Variants in NRG3 observed in about 807,000 individuals in gnomAD.
The protein encoded by NRG3 is pro-neuregulin-3, membrane-bound isoform.
Under a neutral mutation model 66.9 loss-of-function variants are expected in NRG3, and 31 were observed. The observed-to-expected ratio is 0.46, with a 90% CI of 0.35 to 0.63. The LOEUF (loss-of-function observed/expected upper bound fraction) is 0.63, where lower values mean the gene tolerates loss of function less well. NRG3 is among the 20% of genes least tolerant of loss of function. The probability of loss-of-function intolerance (pLI) is 0.00; values close to 1 mark genes in which losing one functional copy is unlikely to be tolerated. For missense variants in NRG3, 910 were observed against 878.9 expected (o/e 1.04, Z -0.45); for synonymous variants, 393 against 359.4 (o/e 1.09, Z -1.06).
At chr10:82,721,256 C>T (rs1326565648) in intron 2 of NRG3, among the ~76,000 whole-genome samples, 2 of 149,040 alleles carry the variant, frequency 1.3e-5, no homozygotes, top group Admixed American at 6.7e-5. Context: ...CTCAGCCTCC[C>T]GAGTAGCTGG....
At chr10:82,714,303 T>TA (rs200160918) in intron 2 of NRG3, among the ~76,000 whole-genome samples, 10 of 151,292 alleles carry the variant, frequency 6.6e-5, no homozygotes, top group Non-Finnish European at 1.5e-4. Context: ...CTCACCATGT[T>TA]AAAAAAAAAT....
At chr10:82,892,657 A>G (rs1843264245) in intron 4 of NRG3, among the ~76,000 whole-genome samples, 1 of 149,162 alleles carries the variant, frequency 6.7e-6, no homozygotes, top group South Asian at 2.1e-4. Context: ...TAGAGTGATA[A>G]CCTGTCTCAA....
chr10:82,614,983 A>G (rs1274599780), intron 2 of NRG3, among the ~76,000 whole-genome samples: 2 of 151,528 alleles, frequency 1.3e-5, no homozygotes, highest in East Asian at 3.9e-4. Flanking sequence ...CCTTATGTTT[A>G]TTGATAAAAC....
intron 1 of NRG3, among the ~76,000 whole-genome samples, chr10:82,147,671 G>T (rs1490143133): frequency 6.6e-6 from 1 of 152,156 alleles, no homozygotes; most frequent in Non-Finnish European, 1.5e-5. Context: ...AAGCGCCCCA[G>T]ACCTTTTGAG....
rs1845141639 is a variant in NRG3 at position 81,911,487 on chromosome 10, ACAGTGTCACTTGC to A, written c.823+35325_823+35337del. Among the ~76,000 whole-genome samples the A allele has an allele frequency of 3.9e-5, 6 of 152,012 alleles. No individual in the cohort carries two copies. The South Asian group carries it at 6.2e-4, about 16-fold the overall frequency. On this transcript the variant is annotated intron_variant, in intron 1 of 8. Transcript: ENST00000372141. ...CAGCTGCAATGGAAATGCCCTCTCGACAGTGTCACTTGCTTTTGGTTTAAGCCCGAAAAAGGTA... is the reference window on the plus strand; with the variant it reads ...CAGCTGCAATGGAAATGCCCTCTCGATTTTGGTTTAAGCCCGAAAAAGGTA...
At chr10:82,742,277 A>G (rs1327315789) in intron 3 of NRG3, among the ~76,000 whole-genome samples, 5 of 152,134 alleles carry the variant, frequency 3.3e-5, no homozygotes, top group African/African-American at 9.7e-5. Context: ...TAAATGACCT[A>G]TATTTAGGAA....
chr10:82,014,450 G>A (rs7081257), intron 1 of NRG3, among the ~76,000 whole-genome samples: 74,006 of 151,966 alleles, frequency 0.49, 18,940 homozygotes, highest in Admixed American at 0.62. Flanking sequence ...TAAGTGCCTC[G>A]GCAATAAAAT....
intron 1 of NRG3, among the ~76,000 whole-genome samples, chr10:82,242,614 GT>G (rs1461688592): frequency 2.0e-5 from 3 of 152,130 alleles, no homozygotes; most frequent in Admixed American, 2.0e-4. Context: ...ACCTGGAGAG[GT>G]TTGCATATTC....
intron 1 of NRG3, among the ~76,000 whole-genome samples, chr10:82,001,302 A>T (rs534982578): frequency 6.6e-6 from 1 of 152,094 alleles, no homozygotes; most frequent in African/African-American, 2.4e-5. Flanking sequence ...CAGGAGTTTG[A>T]GACCAGCCTG....
intron 2 of NRG3, among the ~76,000 whole-genome samples, chr10:82,359,519 G>C (rs762308139): frequency 6.6e-6 from 1 of 152,116 alleles, no homozygotes; most frequent in Admixed American, 6.5e-5. Flanking sequence ...GAGACATAAG[G>C]TTATGTAACT....
chr10:82,494,472 T>C (rs1199279166), intron 2 of NRG3, among the ~76,000 whole-genome samples: 1 of 152,076 alleles, frequency 6.6e-6, no homozygotes, highest in East Asian at 1.9e-4. Flanking sequence ...TGTGTATGTG[T>C]AAGTGCGAAT....
At chr10:82,195,221 CT>C (rs2074380727) in intron 1 of NRG3, among the ~76,000 whole-genome samples, 1 of 152,134 alleles carries the variant, frequency 6.6e-6, no homozygotes, top group South Asian at 2.1e-4. Context: ...AGATTGAAGG[CT>C]GCCAAAAGAG....
At chr10:82,653,892 G>T (rs2133910209) in intron 2 of NRG3, among the ~76,000 whole-genome samples, 1 of 152,310 alleles carries the variant, frequency 6.6e-6, no homozygotes, top group South Asian at 2.1e-4. Flanking sequence ...TCAGCTTTTA[G>T]AAATGCCACA....
intron 1 of NRG3, among the ~76,000 whole-genome samples, chr10:82,102,027 A>ATAT (rs2066757046): frequency 6.8e-6 from 1 of 146,046 alleles, no homozygotes; most frequent in Admixed American, 6.9e-5. Context: ...ATACGCACAC[A>ATAT]TATATATGCA....
chr10:82,455,587 A>G (rs1271148447), intron 2 of NRG3, among the ~76,000 whole-genome samples: 1 of 151,628 alleles, frequency 6.6e-6, no homozygotes, highest in Non-Finnish European at 1.5e-5. Context: ...GGACTTCATA[A>G]ACACTGGGCA....
intron 6 of NRG3, among the ~76,000 whole-genome samples, chr10:82,964,450 T>C (rs1851005495): frequency 6.6e-6 from 1 of 152,220 alleles, no homozygotes; most frequent in South Asian, 2.1e-4. Flanking sequence ...TTTTGTGCTG[T>C]GCCTAGTGTC....
intron 5 of NRG3, 135 bp downstream of exon 5, chr10:82,951,706 G>C: frequency 1.5e-6 from 1 of 686,764 alleles, no homozygotes. Flanking sequence ...AAGTGACTTA[G>C]GACATTTTTG....
intron 2 of NRG3, among the ~76,000 whole-genome samples, chr10:82,562,224 T>C (rs10884937): frequency 0.12 from 18,867 of 152,144 alleles, 2,204 homozygotes; most frequent in African/African-American, 0.3. Flanking sequence ...CATCTTCGTC[T>C]TCATCATAGT....
At chr10:82,613,055 A>G (rs919168012) in intron 2 of NRG3, among the ~76,000 whole-genome samples, 2 of 152,186 alleles carry the variant, frequency 1.3e-5, no homozygotes, top group Non-Finnish European at 2.9e-5. Flanking sequence ...AGTAGGTTTT[A>G]ATATCTGTGG....
Sources: gnomAD v4.1 joint callset for allele counts (sites outside exome capture counted in the v4.1 genomes callset) on GRCh38, gnomAD v4.1.1 for gene constraint, MANE v1.5 for transcripts, NCBI Gene and HGNC (gene_info 2026-07-23, HGNC 2026-07-21) for gene names.